Variants in PKP2 observed in about 807,000 individuals in gnomAD.
PKP2 encodes plakophilin 2.
PKP2 carries 73 observed loss-of-function variants against 83.4 expected under a neutral mutation model. The ratio of observed to expected loss-of-function variants is 0.88; its 90% CI spans 0.72 to 1.06. PKP2 has a LOEUF of 1.06. PKP2 is among the 50% of genes least tolerant of loss of function. The probability of loss-of-function intolerance (pLI) is 0.00; values close to 1 mark genes in which losing one functional copy is unlikely to be tolerated. For missense variants in PKP2, 966 were observed against 1,065.4 expected, an observed-to-expected ratio of 0.91 and a Z score of 1.30; for synonymous variants, 409 against 430.4, an observed-to-expected ratio of 0.95 and a Z score of 0.62.
In PKP2 at chr12:32,885,214, A is replaced by G. The variant is rs76521185; in HGVS notation, c.224-6182T>C. On this transcript the variant is annotated intron_variant, in intron 1 of 12. Coordinates refer to ENST00000340811, the MANE Select transcript of PKP2 (RefSeq NM_001005242.3). Reference sequence around the variant, plus strand: ...AGAAAATTGCAGAGGTGAAGCCGTCACAGGACAATGTAATTTTCTCCCTTT... The same window carrying G: ...AGAAAATTGCAGAGGTGAAGCCGTCGCAGGACAATGTAATTTTCTCCCTTT... 5.1e-3 allele frequency among the ~76,000 whole-genome samples: 776 copies of G among 152,344 alleles called. 9 individuals carry two copies. The highest frequency in any genetic ancestry group is 0.016 in the African/African-American group (656 of 41,592).
chr12:32,822,379 C>G, intron 8 of PKP2, 88 bp downstream of exon 8: 1 of 1,114,866 alleles, frequency 9.0e-7, no homozygotes, highest in Non-Finnish European at 1.4e-6. Flanking sequence ...CCGATATATA[C>G]CAAGTACTTA....
intron 6 of PKP2, among the ~76,000 whole-genome samples, chr12:32,837,830 G>C (rs1191978289): frequency 6.6e-6 from 1 of 152,076 alleles, no homozygotes; most frequent in Non-Finnish European, 1.5e-5. Context: ...CACCTTTCCT[G>C]TTAATACTAT....
At chr12:32,858,874 T>C (rs1163266110) in intron 4 of PKP2, among the ~76,000 whole-genome samples, 1 of 152,152 alleles carries the variant, frequency 6.6e-6, no homozygotes, top group African/African-American at 2.4e-5. Flanking sequence ...GAATAATTAA[T>C]GAATTCAAGT....
chr12:32,876,757 T>C (rs911610004), intron 3 of PKP2, among the ~76,000 whole-genome samples: 4 of 152,236 alleles, frequency 2.6e-5, no homozygotes, highest in African/African-American at 7.2e-5. Context: ...CTTGAACTCC[T>C]AAACTCAAGT....
chr12:32,813,597 A>G (rs1956296242), intron 9 of PKP2, among the ~76,000 whole-genome samples: 1 of 152,030 alleles, frequency 6.6e-6, no homozygotes, highest in Non-Finnish European at 1.5e-5. Context: ...TGGGCAACAT[A>G]GTGAGACCCT....
Position 32,896,406 on chromosome 12 carries a change from C to T in PKP2, c.223+103G>A, listed in dbSNP as rs1269033506. 9.2e-6 allele frequency: 8 copies of T among 872,780 alleles called. No homozygotes were observed. The Admixed American group carries it at 2.6e-4, about 28-fold the overall frequency. The allele number at this position is 872,780 out of a possible 1,614,324, so 54.1% of individuals were successfully genotyped here. A position where few individuals can be genotyped will look rare whatever the true frequency, so the allele number is the denominator to read the frequency against. ...GACGGCGAGCAACAGGTGGGCAGAA[C>T]ACGGGGTCCCGCACTCCCAGCACGC... On this transcript the variant is annotated intron_variant, in intron 1 of 12. Coordinates refer to ENST00000340811, the MANE Select transcript of PKP2 (RefSeq NM_001005242.3).
At chr12:32,827,033 T>A (rs957065742) in intron 6 of PKP2, among the ~76,000 whole-genome samples, 2 of 152,246 alleles carry the variant, frequency 1.3e-5, no homozygotes, top group Admixed American at 1.3e-4. Context: ...CTTTTCAACC[T>A]CTGGCCAGGA....
intron 4 of PKP2, among the ~76,000 whole-genome samples, chr12:32,856,512 G>C (rs1956748967): frequency 6.6e-6 from 1 of 151,970 alleles, no homozygotes. Context: ...GAAAAAAGAA[G>C]GTTCACCCCA....
At chr12:32,796,056 C>T in intron 11 of PKP2, 53 bp downstream of exon 11, 2 of 1,453,480 alleles carry the variant, frequency 1.4e-6, no homozygotes, top group South Asian at 1.1e-5. Flanking sequence ...TATTTACACA[C>T]AGGCTGGTGA....
intron 4 of PKP2, among the ~76,000 whole-genome samples, chr12:32,866,379 C>T (rs562353019): frequency 2.0e-5 from 3 of 151,426 alleles, no homozygotes; most frequent in South Asian, 2.1e-4. Flanking sequence ...ATGGTGAAAC[C>T]CCATCTCTAC....
intron 4 of PKP2, among the ~76,000 whole-genome samples, chr12:32,868,487 G>A (rs1052661674): frequency 2.6e-5 from 4 of 151,542 alleles, no homozygotes; most frequent in Non-Finnish European, 4.4e-5. Flanking sequence ...AAAGTGCTGG[G>A]ATTACAGGCG....
At chr12:32,805,946 G>C (rs1313479338) in intron 9 of PKP2, among the ~76,000 whole-genome samples, 1 of 152,140 alleles carries the variant, frequency 6.6e-6, no homozygotes, top group African/African-American at 2.4e-5. Flanking sequence ...TTTTATCAAA[G>C]GCCTTTTCTG....
chr12:32,866,176 GAAAAC>G (rs989718275), intron 4 of PKP2, among the ~76,000 whole-genome samples: 1 of 151,942 alleles, frequency 6.6e-6, no homozygotes, highest in Non-Finnish European at 1.5e-5. Flanking sequence ...TCAATAATAA[GAAAAC>G]AAAACAAAAC....
intron 5 of PKP2, among the ~76,000 whole-genome samples, chr12:32,847,522 C>T (rs992672875): frequency 6.6e-6 from 1 of 152,092 alleles, no homozygotes; most frequent in African/African-American, 2.4e-5. Flanking sequence ...ATGGCTTGTT[C>T]CCTTGACACA....
chr12:32,867,579 C>G (rs150238446), intron 4 of PKP2, among the ~76,000 whole-genome samples: 1 of 152,136 alleles, frequency 6.6e-6, no homozygotes, highest in Admixed American at 6.5e-5. Context: ...TATGCAGCAT[C>G]TTAAAAGAAT....
At chr12:32,867,620 A>G (rs978262085) in intron 4 of PKP2, among the ~76,000 whole-genome samples, 4 of 152,232 alleles carry the variant, frequency 2.6e-5, no homozygotes, top group African/African-American at 4.8e-5. Flanking sequence ...GAAGATTTCC[A>G]AGATACGGTA....
chr12:32,856,231 A>C (rs182640418), intron 4 of PKP2, among the ~76,000 whole-genome samples: 5 of 152,326 alleles, frequency 3.3e-5, no homozygotes, highest in Non-Finnish European at 5.9e-5. Context: ...GAAGGGTCTT[A>C]CAGACTAAAT....
intron 4 of PKP2, among the ~76,000 whole-genome samples, chr12:32,862,149 A>C (rs1224642883): frequency 6.6e-6 from 1 of 152,098 alleles, no homozygotes; most frequent in African/African-American, 2.4e-5. Context: ...TGCCCGCCTC[A>C]GTCCTCCAAA....
At chr12:32,835,500 A>G (rs1956537272) in intron 6 of PKP2, among the ~76,000 whole-genome samples, 2 of 152,212 alleles carry the variant, frequency 1.3e-5, no homozygotes, top group Non-Finnish European at 2.9e-5. Flanking sequence ...GTGAAAAAAA[A>G]AGATATTTTA....
Sources: allele counts gnomAD v4.1 joint callset (sites outside exome capture counted in the v4.1 genomes callset), GRCh38; gene constraint gnomAD v4.1.1; transcripts MANE v1.5; gene names NCBI Gene and HGNC (gene_info 2026-07-23, HGNC 2026-07-21).